Variants in PDK1 observed in about 807,000 individuals in gnomAD.
The protein encoded by PDK1 is pyruvate dehydrogenase kinase 1, also known as [Pyruvate dehydrogenase (acetyl-transferring)] kinase isozyme 1, mitochondrial.
Under a neutral mutation model 54.2 loss-of-function variants are expected in PDK1, and 39 were observed. The ratio of observed to expected loss-of-function variants is 0.72; its 90% CI spans 0.56 to 0.94. The LOEUF (loss-of-function observed/expected upper bound fraction) is 0.94, where lower values mean the gene tolerates loss of function less well. Ranked by LOEUF, PDK1 falls within the 40% of genes least tolerant of loss-of-function variation. The probability of loss-of-function intolerance (pLI) is 0.00; values close to 1 mark genes in which losing one functional copy is unlikely to be tolerated. For missense variants in PDK1, 552 were observed against 566.0 expected (o/e 0.98, Z 0.25); for synonymous variants, 221 against 207.1 (o/e 1.07, Z -0.58).
the PDK1 span, among the ~76,000 whole-genome samples, chr2:172,704,935 C>T: frequency 0.053 from 8,139 of 152,200 alleles, 419 homozygotes; most frequent in East Asian, 0.22. Flanking sequence ...ATCAGTTCTA[C>T]AAGCTCAAAG....
At chr2:172,611,025 G>A (rs1179037204), downstream of PDK1, among the ~76,000 whole-genome samples, 1 of 152,122 alleles carries the variant, frequency 6.6e-6, no homozygotes, top group Non-Finnish European at 1.5e-5. Context: ...TTATTTTGTC[G>A]AATTTATATG....
the PDK1 span, among the ~76,000 whole-genome samples, chr2:172,693,990 T>A: frequency 6.6e-6 from 1 of 152,212 alleles, no homozygotes. Context: ...AACCTCCTCA[T>A]ACCCTTTTGC....
chr2:172,707,160 G>A, the PDK1 span, among the ~76,000 whole-genome samples: 45 of 152,300 alleles, frequency 3.0e-4, 1 homozygote, highest in African/African-American at 1.1e-3. Context: ...GTGAGTCCAA[G>A]TCTGGGTTCC....
the PDK1 span, among the ~76,000 whole-genome samples, chr2:172,717,742 C>T: frequency 1.5e-4 from 23 of 152,074 alleles, no homozygotes; most frequent in African/African-American, 5.6e-4. Flanking sequence ...AGGAAATATG[C>T]CCTAAATTGG....
the PDK1 span, among the ~76,000 whole-genome samples, chr2:172,664,311 C>CAAAAAAAAAAAAAAAAAAA: frequency 4.8e-4 from 21 of 44,180 alleles, 2 homozygotes; most frequent in East Asian, 3.2e-3. Context: ...AACTCTGCCT[C>CAAAAAAAAAAAAAAAAAAA]AAAAAAAAAA....
At chr2:172,562,922 C>A in intron 3 of PDK1, 1 of 820,964 alleles carries the variant, frequency 1.2e-6, no homozygotes, top group Non-Finnish European at 1.9e-6. Flanking sequence ...CATCTCTTGT[C>A]CTCAGTTAGT....
the PDK1 span, among the ~76,000 whole-genome samples, chr2:172,665,154 G>GTT: frequency 3.8e-4 from 57 of 149,444 alleles, 1 homozygote; most frequent in East Asian, 1.4e-3. Context: ...GCCAAAGAAT[G>GTT]TTTTTTTTTT....
At chr2:172,557,542 G>A (rs1313029060) in intron 1 of PDK1, among the ~76,000 whole-genome samples, 1 of 151,800 alleles carries the variant, frequency 6.6e-6, no homozygotes, top group Non-Finnish European at 1.5e-5. Flanking sequence ...ACTTGAAGAT[G>A]GTGCAAACAG....
At chr2:172,702,877 G>A in the PDK1 span, among the ~76,000 whole-genome samples, 12 of 152,060 alleles carry the variant, frequency 7.9e-5, no homozygotes, top group East Asian at 1.9e-4. Context: ...TTCTGTGTAC[G>A]CTGATTTTAT....
chr2:172,559,012 G>A (rs993982512), intron 2 of PDK1, among the ~76,000 whole-genome samples, 163 bp downstream of exon 2: 4 of 152,142 alleles, frequency 2.6e-5, no homozygotes, highest in African/African-American at 7.2e-5. Context: ...GCAGTGGCGC[G>A]ATCTTGCCTC....
the PDK1 span, among the ~76,000 whole-genome samples, chr2:172,635,695 C>G: frequency 0.7 from 106,185 of 151,560 alleles, 37,800 homozygotes; most frequent in Non-Finnish European, 0.77. Context: ...ACTGCTGCCC[C>G]CCTCCACCCC....
chr2:172,573,394 T>C (rs140700732), intron 8 of PDK1, among the ~76,000 whole-genome samples: 1,925 of 152,190 alleles, frequency 0.013, 46 homozygotes, highest in African/African-American at 0.043. Flanking sequence ...TTTGAAGAAA[T>C]GTAGATTAAG....
rs1691335042 is a variant in PDK1, at chr2:172,607,475, G to A, written c.*11506G>A. On this transcript the variant is annotated 3_prime_UTR_variant, in exon 11 of 11. Transcript: ENST00000282077. ...GTCTCCAGTTGTTTTGCCACTCCAG[G>A]GCCTGACTCAAACCAAAATAAGACT... is the stretch of plus-strand genomic sequence containing the variant. The A allele has an allele frequency of 6.6e-6, 1 of 152,156 alleles. No homozygotes were observed. Among genetic ancestry groups the A allele is most frequent in the South Asian group, 2.1e-4 (1 of 4,824 alleles). 9.4% of individuals were successfully genotyped at this position (152,156 alleles called of 1,614,324 possible).
the PDK1 span, among the ~76,000 whole-genome samples, chr2:172,655,001 C>T: frequency 6.6e-6 from 1 of 152,132 alleles, no homozygotes; most frequent in Admixed American, 6.5e-5. Flanking sequence ...CAAGCCACTA[C>T]CCCATAGATG....
the PDK1 span, among the ~76,000 whole-genome samples, chr2:172,627,716 C>T: frequency 2.0e-5 from 3 of 152,222 alleles, no homozygotes; most frequent in East Asian, 1.9e-4. Flanking sequence ...CAACTTGATA[C>T]GCAAGAAGGT....
upstream of PDK1, chr2:172,555,917 A>T (rs369135285): frequency 1.6e-5 from 6 of 365,376 alleles, no homozygotes; most frequent in East Asian, 2.1e-4. Context: ...GCTGGGCGGG[A>T]CTCCGGCGAG....
chr2:172,610,487 G>C (rs991753662), downstream of PDK1, among the ~76,000 whole-genome samples: 5 of 152,252 alleles, frequency 3.3e-5, no homozygotes, highest in South Asian at 4.1e-4. Context: ...CCAGTCCTGG[G>C]TGGGACTGAA....
At chr2:172,688,288 G>A in the PDK1 span, among the ~76,000 whole-genome samples, 1 of 151,146 alleles carries the variant, frequency 6.6e-6, no homozygotes, top group Non-Finnish European at 1.5e-5. Flanking sequence ...GGATGGATGT[G>A]TGTGATCCCA....
the PDK1 span, among the ~76,000 whole-genome samples, chr2:172,665,272 A>G: frequency 6.6e-6 from 1 of 151,814 alleles, no homozygotes; most frequent in Non-Finnish European, 1.5e-5. Flanking sequence ...CCATGCTCTG[A>G]TCTCAGACTA....
Sources: allele counts gnomAD v4.1 joint callset (sites outside exome capture counted in the v4.1 genomes callset), GRCh38; gene constraint gnomAD v4.1.1; transcripts MANE v1.5; gene names NCBI Gene and HGNC (gene_info 2026-07-23, HGNC 2026-07-21).